The following POLR3B variants were observed in gnomAD, a reference collection of about 807,000 sequenced individuals.
POLR3B encodes RNA polymerase III subunit B, also known as DNA-directed RNA polymerase III subunit RPC2.
In POLR3B, 96 loss-of-function variants were observed where a neutral mutation model predicts 147.4. That is an observed-to-expected ratio of 0.65 (90% CI 0.55 to 0.77). POLR3B has a LOEUF of 0.77. Among genes scored for constraint, POLR3B ranks in the 30% least tolerant of loss-of-function variants. The probability of loss-of-function intolerance (pLI) is 0.00; values close to 1 mark genes in which losing one functional copy is unlikely to be tolerated. For missense variants in POLR3B, 1,036 were observed against 1,413.5 expected, an observed-to-expected ratio of 0.73 and a Z score of 4.28; for synonymous variants, 461 against 485.9, an observed-to-expected ratio of 0.95 and a Z score of 0.67.
intron 25 of POLR3B, among the ~76,000 whole-genome samples, 171 bp downstream of exon 25, chr12:106,497,089 CT>C (rs2038502097): frequency 6.8e-6 from 1 of 147,142 alleles, no homozygotes; most frequent in East Asian, 2.2e-4. Context: ...AATTCGTAAA[CT>C]TTTTTTAAAA....
intron 18 of POLR3B, among the ~76,000 whole-genome samples, chr12:106,441,922 A>C (rs1048529924): frequency 7.9e-5 from 12 of 152,076 alleles, no homozygotes; most frequent in Non-Finnish European, 1.8e-4. Context: ...CTCTACTAAA[A>C]ATACAAAATT....
rs747449371 is a variant in POLR3B, at chr12:106,504,240, G to C, written c.3258G>C (p.Leu1086=). ...ATGTCTGTGGGCAGTGTGGACTTCT[G>C]GGGTATTCTGGCTGGTAAGTGGATA... The part of the protein sequence containing the change: ...EVDVCGQCGL[L]GYSGWCHYCK... The change falls in exon 27 of 28, where the codon CTG becomes CTC. Residue 1086 remains leucine (L), a synonymous_variant. Coordinates refer to ENST00000228347, the MANE Select transcript of POLR3B (RefSeq NM_018082.6). The surrounding 1 kb of genome is among the most constrained non-coding windows in gnomAD (Gnocchi z 4.6). The C allele has an allele frequency of 7.1e-5, 114 of 1,613,768 alleles. 1 individual carries two copies. The East Asian group carries it at 2.5e-3, about 36-fold the overall frequency.
At chr12:106,369,803 G>A (rs750794730) in intron 6 of POLR3B, 120 bp downstream of exon 6, 4 of 713,980 alleles carry the variant, frequency 5.6e-6, no homozygotes, top group Non-Finnish European at 1.0e-5. Context: ...CAATGAGTCA[G>A]CATGTGTAAA....
chr12:106,363,936 T>A, intron 2 of POLR3B, 34 bp downstream of exon 2: 1 of 1,496,534 alleles, frequency 6.7e-7, no homozygotes, highest in Non-Finnish European at 9.2e-7. Context: ...AATTGGTTAT[T>A]TTTCAGATGA....
intron 10 of POLR3B, among the ~76,000 whole-genome samples, chr12:106,397,464 G>A (rs1013737311): frequency 7.9e-5 from 12 of 151,782 alleles, no homozygotes; most frequent in East Asian, 1.9e-4. Context: ...TTTTTGCACC[G>A]TAGATTAGTT....
intron 23 of POLR3B, among the ~76,000 whole-genome samples, chr12:106,478,367 T>G (rs1221657913): frequency 6.6e-6 from 1 of 152,210 alleles, no homozygotes; most frequent in Non-Finnish European, 1.5e-5. Flanking sequence ...GTTTCTAATT[T>G]GCAGTGATCT....
chr12:106,376,602 A>G, intron 7 of POLR3B, 152 bp downstream of exon 7: 2 of 685,426 alleles, frequency 2.9e-6, no homozygotes, highest in Admixed American at 2.1e-5. Flanking sequence ...CTCTAGCTTT[A>G]TGCTACTAGT....
chr12:106,375,742 A>G (rs558100003), intron 6 of POLR3B, among the ~76,000 whole-genome samples: 29 of 152,282 alleles, frequency 1.9e-4, no homozygotes, highest in Admixed American at 1.7e-3. Context: ...GCATTGTGCT[A>G]TTGCCAAGTA....
chr12:106,458,610 C>G (rs1263122293), intron 21 of POLR3B, among the ~76,000 whole-genome samples: 1 of 152,100 alleles, frequency 6.6e-6, no homozygotes, highest in Non-Finnish European at 1.5e-5. Context: ...TCATGGTTGG[C>G]CTGTGGGCGG....
intron 6 of POLR3B, among the ~76,000 whole-genome samples, chr12:106,371,675 A>G (rs944008045): frequency 7.1e-6 from 1 of 141,774 alleles, no homozygotes; most frequent in Admixed American, 7.5e-5. Context: ...CATTCTCAGT[A>G]AACTATCGCA....
intron 13 of POLR3B, among the ~76,000 whole-genome samples, chr12:106,427,986 A>G (rs2037459406): frequency 1.3e-5 from 2 of 152,198 alleles, no homozygotes; most frequent in South Asian, 4.1e-4. Context: ...TTGCCCCAAC[A>G]AAGCATAGTA....
At chr12:106,422,841 G>A (rs1399560228) in intron 12 of POLR3B, among the ~76,000 whole-genome samples, 1 of 152,100 alleles carries the variant, frequency 6.6e-6, no homozygotes, top group African/African-American at 2.4e-5. Context: ...TTTCATCAAA[G>A]TAAGTCTTCT....
intron 20 of POLR3B, among the ~76,000 whole-genome samples, chr12:106,455,247 G>A (rs950387039): frequency 2.6e-5 from 4 of 152,262 alleles, no homozygotes; most frequent in Admixed American, 6.5e-5. Context: ...ACTTTCACAA[G>A]TCACCACCTC....
chr12:106,442,877 A>C (rs1048390606), intron 18 of POLR3B, among the ~76,000 whole-genome samples: 1 of 152,164 alleles, frequency 6.6e-6, no homozygotes, highest in Admixed American at 6.5e-5. Context: ...ACTCTTTCCT[A>C]TTAACACATC....
intron 10 of POLR3B, among the ~76,000 whole-genome samples, chr12:106,398,268 G>T (rs978307534): frequency 6.6e-6 from 1 of 152,186 alleles, no homozygotes; most frequent in African/African-American, 2.4e-5. Context: ...ACTGCAAGGC[G>T]GCAGCGAGGC....
intron 27 of POLR3B, among the ~76,000 whole-genome samples, chr12:106,505,305 C>T (rs2038668812): frequency 6.6e-6 from 1 of 151,962 alleles, no homozygotes; most frequent in Non-Finnish European, 1.5e-5. Context: ...TTGTTTGTTT[C>T]AAGACAGAGT....
intron 23 of POLR3B, among the ~76,000 whole-genome samples, chr12:106,464,330 T>C (rs1247401318): frequency 6.6e-6 from 1 of 152,232 alleles, no homozygotes; most frequent in African/African-American, 2.4e-5. Context: ...GCTAACACTT[T>C]TGTAGCACTA....
At position 106,457,293 on chromosome 12, in the gene POLR3B, C is replaced by T. The variant is rs886048899; in HGVS notation, c.2449C>T (p.Pro817Ser). 3 of 1,612,626 alleles carry T rather than the reference C, an allele frequency of 1.9e-6. No homozygotes were observed. The South Asian group carries it at 3.3e-5, about 18-fold the overall frequency. ...EILDADGICS[P>S]GEKVENKQVL... is the part of the protein sequence containing the mutation. Reference sequence around the variant, plus strand: ...CTTAGATGCAGATGGTATTTGTTCTCCAGGTAAAAGCCTTTTAAAAGAAAA... The same window carrying T: ...CTTAGATGCAGATGGTATTTGTTCTTCAGGTAAAAGCCTTTTAAAAGAAAA... Residue 817 changes from proline to serine, a missense_variant, in exon 21 of 28, where the codon CCA becomes TCA. Pro to Ser is a moderately conservative substitution (Grantham distance 74). Coordinates refer to ENST00000228347, the MANE Select transcript of POLR3B (RefSeq NM_018082.6).
chr12:106,369,232 C>A (rs781085767), intron 4 of POLR3B, 43 bp from the exon 5 acceptor site: 5 of 1,011,038 alleles, frequency 4.9e-6, no homozygotes, highest in Non-Finnish European at 7.9e-6. Flanking sequence ...CTTTTATGAT[C>A]TTCGAAGAAG....
Sources: allele counts gnomAD v4.1 joint callset (sites outside exome capture counted in the v4.1 genomes callset), GRCh38; gene constraint gnomAD v4.1.1; non-coding constraint Gnocchi (gnomAD v3.1); transcripts MANE v1.5; gene names NCBI Gene and HGNC (gene_info 2026-07-23, HGNC 2026-07-21).